UNC13C: variants seen among roughly 807,000 people sequenced by gnomAD.
The protein encoded by UNC13C is protein unc-13 homolog C.
In UNC13C, 174 loss-of-function variants were observed where a neutral mutation model predicts 245.4. That is an observed-to-expected ratio of 0.71 (90% CI 0.63 to 0.80). The LOEUF (loss-of-function observed/expected upper bound fraction) is 0.80, where lower values mean the gene tolerates loss of function less well. Among genes scored for constraint, UNC13C ranks in the 30% least tolerant of loss-of-function variants. The probability of loss-of-function intolerance (pLI) is 0.00; values close to 1 mark genes in which losing one functional copy is unlikely to be tolerated. For missense variants in UNC13C, 2,829 were observed against 2,602.9 expected (o/e 1.09, Z -1.89); for synonymous variants, 992 against 895.1 (o/e 1.11, Z -1.93).
intron 30 of UNC13C, among the ~76,000 whole-genome samples, chr15:54,606,172 G>A (rs1490346136): frequency 1.3e-5 from 2 of 152,186 alleles, no homozygotes; most frequent in African/African-American, 4.8e-5. Flanking sequence ...GTTGTAGCAA[G>A]TCATCTTAGA....
chr15:54,038,634 TTAAG>T (rs770735450), intron 2 of UNC13C, among the ~76,000 whole-genome samples: 6 of 152,202 alleles, frequency 3.9e-5, no homozygotes, highest in Non-Finnish European at 5.9e-5. Flanking sequence ...TTCCAAGTGA[TTAAG>T]TGATTCTTTA....
chr15:53,893,240 G>C, the UNC13C span, among the ~76,000 whole-genome samples: 1 of 152,172 alleles, frequency 6.6e-6, no homozygotes, highest in Admixed American at 6.5e-5. Context: ...TGTCCCAGAG[G>C]GGCACCTGCT....
chr15:53,979,175 A>G (rs974794803), intron 1 of UNC13C, among the ~76,000 whole-genome samples: 1 of 152,184 alleles, frequency 6.6e-6, no homozygotes, highest in Non-Finnish European at 1.5e-5. Context: ...CTTAGTTTCC[A>G]GTCAACTTTC....
At chr15:54,337,497 A>C (rs2038615669) in intron 16 of UNC13C, among the ~76,000 whole-genome samples, 2 of 152,190 alleles carry the variant, frequency 1.3e-5, no homozygotes, top group Admixed American at 6.5e-5. Context: ...GCAGTTGCTC[A>C]GGCTAAAATA....
chr15:54,500,028 T>A (rs1291341907), intron 20 of UNC13C, 51 bp from the exon 21 acceptor site: 2 of 1,337,132 alleles, frequency 1.5e-6, no homozygotes, highest in African/African-American at 1.5e-5. Context: ...TCCTGTTAAT[T>A]TTATGCAAAT....
At chr15:54,270,693 T>TAAG (rs765558093) in intron 10 of UNC13C, among the ~76,000 whole-genome samples, 35 of 152,000 alleles carry the variant, frequency 2.3e-4, no homozygotes, top group Non-Finnish European at 4.3e-4. Context: ...TCTACTAAAA[T>TAAG]AAGAATCAGA....
At chr15:53,903,811 C>T in the UNC13C span, among the ~76,000 whole-genome samples, 1 of 137,080 alleles carries the variant, frequency 7.3e-6, no homozygotes, top group Non-Finnish European at 1.5e-5. Flanking sequence ...TGAGAAGTTA[C>T]TTAATGACTG....
chr15:53,862,905 C>T, the UNC13C span, among the ~76,000 whole-genome samples: 3 of 152,126 alleles, frequency 2.0e-5, no homozygotes, highest in African/African-American at 7.2e-5. Flanking sequence ...AAATTCAAGT[C>T]CTTCTTGCAT....
intron 24 of UNC13C, among the ~76,000 whole-genome samples, chr15:54,516,429 C>T (rs1894977894): frequency 6.6e-6 from 1 of 152,132 alleles, no homozygotes; most frequent in Non-Finnish European, 1.5e-5. Context: ...AGGTGATTTG[C>T]ATTTCTAACG....
chr15:53,992,061 G>A (rs192036037), intron 1 of UNC13C, among the ~76,000 whole-genome samples: 1 of 152,046 alleles, frequency 6.6e-6, no homozygotes, highest in African/African-American at 2.4e-5. Flanking sequence ...CTATTTCTTA[G>A]TGCAGACCAT....
chr15:54,306,496 T>TCTTGATG (rs2037727003), intron 13 of UNC13C, among the ~76,000 whole-genome samples: 1 of 152,000 alleles, frequency 6.6e-6, no homozygotes, highest in Non-Finnish European at 1.5e-5. Flanking sequence ...TTTTGGGAGT[T>TCTTGATG]CTTGATGCTT....
rs114682689 is a variant in UNC13C at position 54,291,147 on chromosome 15, C to A, written c.3819-2748C>A. Among the ~76,000 whole-genome samples the A allele has an allele frequency of 2.3e-3, 345 of 151,980 alleles. 2 individuals carry two copies. The highest frequency in any genetic ancestry group is 8.0e-3 in the African/African-American group (332 of 41,490). ...TTTAATATAAATTTTGGGTAAATTA[C>A]CAAAAGTGTTATCATCCAAATATGC... On this transcript the variant is annotated intron_variant, in intron 10 of 32. Coordinates refer to ENST00000260323, the MANE Select transcript of UNC13C (RefSeq NM_001080534.3).
At chr15:54,141,466 A>G (rs1348059534) in intron 2 of UNC13C, among the ~76,000 whole-genome samples, 1 of 152,124 alleles carries the variant, frequency 6.6e-6, no homozygotes, top group Admixed American at 6.6e-5. Flanking sequence ...TGACTGTAAT[A>G]CTATATGTAA....
chr15:54,576,259 G>A (rs1412797102), intron 30 of UNC13C, among the ~76,000 whole-genome samples: 3 of 152,236 alleles, frequency 2.0e-5, no homozygotes, highest in Admixed American at 1.3e-4. Context: ...CAGGGACAAT[G>A]CCCCTCCCAC....
At chr15:54,615,932 C>G (rs937334033) in intron 30 of UNC13C, among the ~76,000 whole-genome samples, 2 of 152,026 alleles carry the variant, frequency 1.3e-5, no homozygotes, top group South Asian at 4.1e-4. Context: ...AATACTAAGC[C>G]TCAACTTCTT....
At chr15:53,987,191 A>T (rs1894180724) in intron 1 of UNC13C, among the ~76,000 whole-genome samples, 1 of 152,054 alleles carries the variant, frequency 6.6e-6, no homozygotes, top group Non-Finnish European at 1.5e-5. Context: ...ATAAACAGAT[A>T]TTTTAGATAA....
At chr15:54,526,769 G>GCTCTCTTCA (rs1235536730) in intron 25 of UNC13C, among the ~76,000 whole-genome samples, 1 of 145,914 alleles carries the variant, frequency 6.9e-6, no homozygotes, top group South Asian at 2.1e-4. Context: ...AAAAAAGATT[G>GCTCTCTTCA]CTCTCTTCAG....
intron 4 of UNC13C, among the ~76,000 whole-genome samples, chr15:54,216,179 G>T (rs768238956): frequency 6.6e-6 from 1 of 151,934 alleles, no homozygotes; most frequent in Non-Finnish European, 1.5e-5. Context: ...GGACTGCAGC[G>T]AAAGCCTGGA....
intron 2 of UNC13C, chr15:54,048,438 T>C (rs1381432544): frequency 8.3e-6 from 5 of 600,524 alleles, no homozygotes; most frequent in Non-Finnish European, 1.6e-5. Context: ...GAGATTAATA[T>C]TGATCTGGAT....
Sources: allele counts gnomAD v4.1 joint callset (sites outside exome capture counted in the v4.1 genomes callset), GRCh38; gene constraint gnomAD v4.1.1; transcripts MANE v1.5; gene names NCBI Gene and HGNC (gene_info 2026-07-23, HGNC 2026-07-21).